The following ZNF845 variants were observed in gnomAD, a reference collection of about 807,000 sequenced individuals.
ZNF845 encodes zinc finger protein 845.
A neutral mutation model predicts 76.1 loss-of-function variants in ZNF845; 59 were observed. The observed-to-expected ratio is 0.78, with a 90% CI of 0.63 to 0.96. The LOEUF (loss-of-function observed/expected upper bound fraction) is 0.96. Among genes scored for constraint, ZNF845 ranks in the 40% least tolerant of loss-of-function variants. ZNF845 has a pLI of 0.00. For synonymous variants in ZNF845, 361 were observed against 386.9 expected, an observed-to-expected ratio of 0.93 and a Z score of 0.78; for missense variants, 1,045 against 1,172.8, an observed-to-expected ratio of 0.89 and a Z score of 1.59.
At position 53,351,553 on chromosome 19, in the gene ZNF845, A is replaced by G. The variant is rs1268634200; in HGVS notation, c.878A>G (p.His293Arg). 5 of 1,614,192 alleles carry G rather than the reference A, an allele frequency of 3.1e-6. No homozygotes were observed. The highest frequency in any genetic ancestry group is 4.2e-6 in the Non-Finnish European group (5 of 1,180,000). ...ELTLTCHHRL[H>R]TGEKHYKCSE... ...ACCCTTACATGCCATCATAGACTTC[A>G]TACTGGAGAGAAACATTACAAGTGC... The change falls in exon 4 of 4, where the codon CAT becomes CGT. Residue 293 changes from histidine (H) to arginine (R), a missense_variant. Physicochemically the swap from His to Arg is conservative, Grantham distance 29. Coordinates refer to ENST00000458035, the MANE Select transcript of ZNF845 (RefSeq NM_138374.3).
At chr19:53,350,554 T>G (rs1371750433) in intron 3 of ZNF845, among the ~76,000 whole-genome samples, 1 of 152,196 alleles carries the variant, frequency 6.6e-6, no homozygotes, top group African/African-American at 2.4e-5. Context: ...AGTGGAAAAA[T>G]ACTCCTTACT....
intron 1 of ZNF845, among the ~76,000 whole-genome samples, chr19:53,339,050 A>G (rs1409224589): frequency 6.6e-6 from 1 of 152,164 alleles, no homozygotes; most frequent in African/African-American, 2.4e-5. Flanking sequence ...CAGTGAGCCG[A>G]GATCGCGCCA....
intron 2 of ZNF845, among the ~76,000 whole-genome samples, chr19:53,342,905 G>A (rs1346504599): frequency 1.3e-5 from 2 of 151,926 alleles, no homozygotes; most frequent in Non-Finnish European, 2.9e-5. Flanking sequence ...TGCAACCACT[G>A]CCTCCCAGGT....
At position 53,352,400 on chromosome 19, in the gene ZNF845, A is replaced by G; in HGVS notation, c.1725A>G (p.Ile575Met). The change falls in exon 4 of 4, where the codon ATA (isoleucine) becomes ATG (methionine). Residue 575 changes from isoleucine (I) to methionine (M), a missense_variant. Coordinates refer to ENST00000458035, the MANE Select transcript of ZNF845 (RefSeq NM_138374.3). The stretch of plus-strand genomic sequence containing the variant: ...TTTACCATCAAGCAATCCATGGTAT[A>G]GGGAAACTTTACAAATGTAATGATT... ...ALIYHQAIHG[I>M]GKLYKCNDCH... 1 of 1,613,858 alleles carries G rather than the reference A, an allele frequency of 6.2e-7. No individual in the cohort carries two copies. The highest frequency in any genetic ancestry group is 8.5e-7 in the Non-Finnish European group (1 of 1,179,822).
chr19:53,338,916 TAAAA>T (rs35457065), intron 1 of ZNF845, among the ~76,000 whole-genome samples: 1 of 132,100 alleles, frequency 7.6e-6, no homozygotes, highest in Non-Finnish European at 1.6e-5. Flanking sequence ...CCATCTCTAC[TAAAA>T]AAAAAAAAGA....
intron 1 of ZNF845, among the ~76,000 whole-genome samples, chr19:53,334,525 C>T (rs2147025915): frequency 1.3e-5 from 2 of 151,656 alleles, no homozygotes; most frequent in Admixed American, 1.3e-4. Context: ...AGGAGCAGAT[C>T]CCAGGGAAAA....
intron 3 of ZNF845, 109 bp downstream of exon 3, chr19:53,345,741 G>A: frequency 6.4e-7 from 1 of 1,556,896 alleles, no homozygotes; most frequent in Non-Finnish European, 8.6e-7. Flanking sequence ...GGAGTGAAAT[G>A]GTGTGATCAT....
intron 1 of ZNF845, among the ~76,000 whole-genome samples, chr19:53,334,878 C>T (rs2085202664): frequency 6.6e-6 from 1 of 152,138 alleles, no homozygotes; most frequent in South Asian, 2.1e-4. Flanking sequence ...CCACTGCACT[C>T]CAGCCTGGTC....
chr19:53,338,692 GAGCA>G (rs1321575822), intron 1 of ZNF845, among the ~76,000 whole-genome samples: 1 of 101,686 alleles, frequency 9.8e-6, no homozygotes, highest in African/African-American at 5.1e-5. Flanking sequence ...CACAACACGT[GAGCA>G]CACACACACA....
At chr19:53,339,771 G>C (rs970983189) in intron 1 of ZNF845, among the ~76,000 whole-genome samples, 7 of 152,234 alleles carry the variant, frequency 4.6e-5, no homozygotes, top group African/African-American at 1.7e-4. Context: ...CACTCACTCA[G>C]TAGCTATGAA....
At chr19:53,342,939 G>A (rs555473798) in intron 2 of ZNF845, among the ~76,000 whole-genome samples, 3 of 152,008 alleles carry the variant, frequency 2.0e-5, no homozygotes, top group South Asian at 2.1e-4. Context: ...CTGCCTCAGC[G>A]TCCCGAGTAG....
At chr19:53,336,379 A>G (rs181220287) in intron 1 of ZNF845, among the ~76,000 whole-genome samples, 2 of 152,220 alleles carry the variant, frequency 1.3e-5, no homozygotes, top group Admixed American at 6.5e-5. Flanking sequence ...GCATGGTGGC[A>G]TGCATCTGTA....
At position 53,351,452 on chromosome 19, in the gene ZNF845, A is replaced by G. The variant is rs371446024; in HGVS notation, c.777A>G (p.Ala259=). 5.0e-5 allele frequency: 80 copies of G among 1,614,122 alleles called. No individual in the cohort carries two copies. Among genetic ancestry groups the G allele is most frequent in the African/African-American group, 9.3e-5 (7 of 74,954 alleles). ...GKVFNQKRYL[A]CHRRCHTGKK... ...TCTTTAATCAAAAGCGATATCTTGC[A>G]TGTCATCGTAGATGTCACACTGGCA... The change falls in exon 4 of 4, where the codon GCA becomes GCG. Residue 259 remains alanine (A), a synonymous_variant. Transcript: ENST00000458035.
In ZNF845 at chr19:53,351,062, G is replaced by T. The variant is rs752292123; in HGVS notation, c.387G>T (p.Arg129Ser). The change falls in exon 4 of 4, where the codon AGG (arginine) becomes AGT (serine). Residue 129 changes from arginine to serine, a missense_variant. Coordinates refer to ENST00000458035, the MANE Select transcript of ZNF845 (RefSeq NM_138374.3). ...LTGSTNRHDQRHAGNKPIKDQ... is the reference protein window; with the variant it reads ...LTGSTNRHDQSHAGNKPIKDQ... ...GTAGTACAAACCGACATGATCAAAG[G>T]CATGCTGGAAACAAGCCTATTAAAG... is the stretch of plus-strand genomic sequence containing the variant. The T allele has an allele frequency of 2.5e-6, 4 of 1,614,048 alleles. No individual in the cohort carries two copies. The East Asian group carries it at 6.7e-5, about 27-fold the overall frequency.
Position 53,351,428 on chromosome 19 carries a change from C to A in ZNF845, c.753C>A (p.Val251=), listed in dbSNP as rs780670436. Residue 251 remains valine (V), a synonymous_variant, in exon 4 of 4, where the codon GTC becomes GTA. Coordinates refer to ENST00000458035, the MANE Select transcript of ZNF845 (RefSeq NM_138374.3). ...KQYKCDVCGK[V]FNQKRYLACH... is the part of the protein sequence containing the mutation. ...ATAAATGTGATGTGTGTGGCAAGGT[C>A]TTTAATCAAAAGCGATATCTTGCAT... The A allele has an allele frequency of 1.9e-6, 3 of 1,614,198 alleles. No homozygotes were observed. Among genetic ancestry groups the A allele is most frequent in the Non-Finnish European group, 2.5e-6 (3 of 1,180,034 alleles).
At chr19:53,343,995 T>A (rs1385245531) in intron 2 of ZNF845, among the ~76,000 whole-genome samples, 3 of 151,860 alleles carry the variant, frequency 2.0e-5, no homozygotes, top group Non-Finnish European at 2.9e-5. Flanking sequence ...GATTTTTTTT[T>A]TTTGAGATGG....
intron 3 of ZNF845, among the ~76,000 whole-genome samples, chr19:53,346,716 T>C (rs2085299511): frequency 6.6e-6 from 1 of 152,198 alleles, no homozygotes; most frequent in Non-Finnish European, 1.5e-5. Flanking sequence ...AAACTATTCT[T>C]TCTCCACTAG....
chr19:53,334,873 G>C (rs950027724), intron 1 of ZNF845, among the ~76,000 whole-genome samples: 36 of 152,296 alleles, frequency 2.4e-4, no homozygotes, highest in African/African-American at 7.9e-4. Context: ...TCATGCCACT[G>C]CACTCCAGCC....
chr19:53,334,002 A>C (rs2085194371), intron 1 of ZNF845, among the ~76,000 whole-genome samples: 2 of 152,226 alleles, frequency 1.3e-5, no homozygotes, highest in South Asian at 4.1e-4. Context: ...TCTTTCTGCT[A>C]TAGGGCAATG....
Sources: gnomAD v4.1 joint callset for allele counts (sites outside exome capture counted in the v4.1 genomes callset) on GRCh38, gnomAD v4.1.1 for gene constraint, MANE v1.5 for transcripts, NCBI Gene and HGNC (gene_info 2026-07-23, HGNC 2026-07-21) for gene names.